QTMAN: variants seen among roughly 807,000 people sequenced by gnomAD.
The protein encoded by QTMAN is tRNA-queuosine alpha-mannosyltransferase.
At chr2:143,942,206 T>C in the QTMAN span, 1 of 167,082 alleles carries the variant, frequency 6.0e-6, no homozygotes, top group East Asian at 1.9e-4. Flanking sequence ...GATCCTCTCC[T>C]TGGGGTTGGG....
the QTMAN span, chr2:144,208,814 A>G: frequency 6.7e-7 from 1 of 1,486,498 alleles, no homozygotes; most frequent in African/African-American, 1.4e-5. Flanking sequence ...CCTAAATAAC[A>G]ACCAAAAAAT....
At chr2:144,250,626 G>GT in the QTMAN span, among the ~76,000 whole-genome samples, 2 of 151,642 alleles carry the variant, frequency 1.3e-5, no homozygotes, top group African/African-American at 4.8e-5. Flanking sequence ...CTGTGTGAAA[G>GT]TATTACTTTA....
At chr2:144,099,524 T>C in the QTMAN span, among the ~76,000 whole-genome samples, 1 of 152,158 alleles carries the variant, frequency 6.6e-6, no homozygotes, top group African/African-American at 2.4e-5. Context: ...GAAATGTGGG[T>C]TGTTTTTTCC....
the QTMAN span, among the ~76,000 whole-genome samples, chr2:144,092,870 G>GTGTGTGTGTGTGT: frequency 1.2e-3 from 169 of 140,724 alleles, 3 homozygotes; most frequent in African/African-American, 4.4e-3. Flanking sequence ...AAACTTTTGG[G>GTGTGTGTGTGTGT]GTGTGTGTGT....
the QTMAN span, among the ~76,000 whole-genome samples, chr2:144,261,843 TTTTA>T: frequency 2.5e-4 from 38 of 152,272 alleles, no homozygotes; most frequent in East Asian, 1.9e-3. Flanking sequence ...ATCACCTTCT[TTTTA>T]TTTATTTATT....
chr2:144,011,019 T>C, the QTMAN span, among the ~76,000 whole-genome samples: 1 of 152,124 alleles, frequency 6.6e-6, no homozygotes. Flanking sequence ...ATAAATAATA[T>C]AGATAACAAT....
chr2:144,070,513 C>T, the QTMAN span, among the ~76,000 whole-genome samples: 1 of 152,026 alleles, frequency 6.6e-6, no homozygotes, highest in South Asian at 2.1e-4. Flanking sequence ...CAGTGAAATA[C>T]ATAACACAAT....
chr2:144,285,332 T>TAA, the QTMAN span, among the ~76,000 whole-genome samples: 1 of 152,176 alleles, frequency 6.6e-6, no homozygotes, highest in African/African-American at 2.4e-5. Flanking sequence ...TTTAACATCT[T>TAA]AACTCATACA....
the QTMAN span, among the ~76,000 whole-genome samples, chr2:144,289,092 G>A: frequency 6.9e-6 from 1 of 145,902 alleles, no homozygotes; most frequent in Non-Finnish European, 1.5e-5. Flanking sequence ...GGAGCGCAGT[G>A]GTGCGATCTC....
At chr2:144,188,620 T>A in the QTMAN span, among the ~76,000 whole-genome samples, 4 of 152,024 alleles carry the variant, frequency 2.6e-5, no homozygotes, top group African/African-American at 7.2e-5. Flanking sequence ...GGATAGGGAT[T>A]GAGAATTATA....
At chr2:144,134,317 A>C in the QTMAN span, among the ~76,000 whole-genome samples, 1 of 152,120 alleles carries the variant, frequency 6.6e-6, no homozygotes, top group Non-Finnish European at 1.5e-5. Context: ...TTTCTAAATT[A>C]GTTAGGCAAA....
At chr2:144,189,995 T>G in the QTMAN span, among the ~76,000 whole-genome samples, 1 of 152,218 alleles carries the variant, frequency 6.6e-6, no homozygotes, top group Non-Finnish European at 1.5e-5. Flanking sequence ...TATTTTAACA[T>G]TGGATATACT....
At chr2:144,184,994 T>C in the QTMAN span, among the ~76,000 whole-genome samples, 1 of 152,144 alleles carries the variant, frequency 6.6e-6, no homozygotes, top group African/African-American at 2.4e-5. Flanking sequence ...AAAGGTGCTA[T>C]TACCAAACTC....
the QTMAN span, among the ~76,000 whole-genome samples, chr2:144,233,673 A>T: frequency 7.7e-4 from 118 of 152,300 alleles, no homozygotes; most frequent in African/African-American, 2.8e-3. Context: ...ATGCACATAG[A>T]GAACAAAGAA....
the QTMAN span, among the ~76,000 whole-genome samples, chr2:144,013,924 A>G: frequency 2.6e-4 from 39 of 152,316 alleles, no homozygotes; most frequent in African/African-American, 9.1e-4. Flanking sequence ...TATCACTTAT[A>G]TGATGAGCAG....
the QTMAN span, among the ~76,000 whole-genome samples, chr2:144,328,808 C>T: frequency 6.6e-6 from 1 of 152,122 alleles, no homozygotes. Flanking sequence ...CCTATGAAAG[C>T]TATTACCTCT....
the QTMAN span, among the ~76,000 whole-genome samples, chr2:144,121,390 G>T: frequency 6.6e-6 from 1 of 152,160 alleles, no homozygotes; most frequent in Non-Finnish European, 1.5e-5. Context: ...CAGGGGCTCA[G>T]ATGTTCTTCA....
the QTMAN span, among the ~76,000 whole-genome samples, chr2:144,304,907 CTGTT>C: frequency 1.3e-5 from 2 of 152,130 alleles, no homozygotes; most frequent in Non-Finnish European, 2.9e-5. Flanking sequence ...TGCCTACTGT[CTGTT>C]GGAAAATTTC....
At chr2:144,253,891 T>C in the QTMAN span, among the ~76,000 whole-genome samples, 1 of 152,312 alleles carries the variant, frequency 6.6e-6, no homozygotes, top group East Asian at 1.9e-4. Flanking sequence ...ACCTTCTCAA[T>C]AGCCCCTTCC....
Sources: allele counts gnomAD v4.1 joint callset (sites outside exome capture counted in the v4.1 genomes callset), GRCh38; gene constraint gnomAD v4.1.1; transcripts MANE v1.5; gene names NCBI Gene and HGNC (gene_info 2026-07-23, HGNC 2026-07-21).